The following CSMD3 variants were observed in gnomAD, a reference collection of about 807,000 sequenced individuals.
CSMD3 encodes the protein CUB and sushi domain-containing protein 3.
In CSMD3, 177 loss-of-function variants were observed where a neutral mutation model predicts 435.2. The observed-to-expected ratio is 0.41, with a 90% CI of 0.36 to 0.46. The LOEUF is 0.46. Among genes scored for constraint, CSMD3 ranks in the 20% least tolerant of loss-of-function variants. The pLI, the probability that CSMD3 is intolerant of heterozygous loss-of-function variation, is 0.34. For missense variants in CSMD3, 4,265 were observed against 4,504.6 expected (o/e 0.95, Z 1.52); for synonymous variants, 1,656 against 1,520.5 (o/e 1.09, Z -2.07).
At chr8:112,397,100 T>C (rs1054546017) in intron 35 of CSMD3, among the ~76,000 whole-genome samples, 5 of 152,228 alleles carry the variant, frequency 3.3e-5, no homozygotes, top group Non-Finnish European at 5.9e-5. Flanking sequence ...GCTTTTTCTA[T>C]CTTAAAAATA....
intron 1 of CSMD3, among the ~76,000 whole-genome samples, chr8:113,367,034 A>C (rs1231073189): frequency 6.6e-6 from 1 of 151,920 alleles, no homozygotes; most frequent in African/African-American, 2.4e-5. Context: ...TTTAAGGTTG[A>C]GAGCAAATAT....
At chr8:112,468,043 A>G (rs964422913) in intron 32 of CSMD3, among the ~76,000 whole-genome samples, 4 of 152,210 alleles carry the variant, frequency 2.6e-5, no homozygotes, top group African/African-American at 4.8e-5. Flanking sequence ...TAAGAAGAGG[A>G]TGACTGAAGA....
intron 45 of CSMD3, among the ~76,000 whole-genome samples, chr8:112,320,531 G>A (rs1043104601): frequency 4.0e-5 from 6 of 149,486 alleles, no homozygotes; most frequent in Admixed American, 3.3e-4. Flanking sequence ...GGGTACATGT[G>A]CACAACGTGC....
At chr8:112,298,302 A>G (rs909646716) in intron 53 of CSMD3, among the ~76,000 whole-genome samples, 1 of 152,098 alleles carries the variant, frequency 6.6e-6, no homozygotes, top group Admixed American at 6.6e-5. Context: ...GAGGATTTAC[A>G]TACATGATTT....
intron 35 of CSMD3, among the ~76,000 whole-genome samples, chr8:112,404,901 G>A (rs1831639338): frequency 6.6e-6 from 1 of 151,184 alleles, no homozygotes; most frequent in African/African-American, 2.4e-5. Flanking sequence ...TTTTCAGCTG[G>A]GTGCGGTAGA....
rs1815338686 is a variant in CSMD3 at position 112,444,076 on chromosome 8, A to AT, written c.5395+28514dup. 1.3e-5 allele frequency among the ~76,000 whole-genome samples: 2 copies of AT among 152,302 alleles called. 1 individual carries two copies. Among genetic ancestry groups the AT allele is most frequent in the South Asian group, 4.1e-4 (2 of 4,832 alleles). ...TTTTTGAATGCATAAGTTCCACATT[A>AT]TTTTTTGGATTCACTCAATTGAATT... On this transcript the variant is annotated intron_variant, in intron 32 of 70. Transcript: ENST00000297405.
chr8:112,665,634 A>G (rs2075502931), intron 17 of CSMD3, among the ~76,000 whole-genome samples: 1 of 152,168 alleles, frequency 6.6e-6, no homozygotes, highest in African/African-American at 2.4e-5. Context: ...AGAGAAGTCA[A>G]TGATATAACT....
intron 35 of CSMD3, among the ~76,000 whole-genome samples, chr8:112,402,252 G>A (rs1276412758): frequency 3.9e-5 from 6 of 152,166 alleles, no homozygotes; most frequent in South Asian, 2.1e-4. Flanking sequence ...CGGACAAAGC[G>A]AAGACATTCA....
At chr8:113,292,695 T>A (rs1190910482) in intron 2 of CSMD3, among the ~76,000 whole-genome samples, 1 of 151,854 alleles carries the variant, frequency 6.6e-6, no homozygotes, top group Non-Finnish European at 1.5e-5. Flanking sequence ...TTAAACATAG[T>A]AGTTATATTA....
intron 24 of CSMD3, among the ~76,000 whole-genome samples, 183 bp from the exon 25 acceptor site, chr8:112,557,137 T>A (rs1304072166): frequency 6.6e-6 from 1 of 151,906 alleles, no homozygotes; most frequent in Non-Finnish European, 1.5e-5. Flanking sequence ...TCTTGAAAAT[T>A]AAAATGTGTT....
chr8:113,035,821 T>C lies in CSMD3; in HGVS notation c.918-16642A>G, dbSNP rs576566548. On this transcript the variant is annotated intron_variant, in intron 5 of 70. Coordinates refer to ENST00000297405, the MANE Select transcript of CSMD3 (RefSeq NM_198123.2). ...CTGGAAAAGATCATCTTCCCTATGG[T>C]TAGAGGAAATAAACCTCAACTATTA... Among the ~76,000 whole-genome samples, 3 of 152,062 alleles carry C rather than the reference T, an allele frequency of 2.0e-5. No individual in the cohort carries two copies. The East Asian group carries it at 5.8e-4, about 29-fold the overall frequency.
intron 10 of CSMD3, among the ~76,000 whole-genome samples, chr8:112,915,917 C>T (rs565410856): frequency 3.3e-5 from 5 of 151,838 alleles, no homozygotes; most frequent in African/African-American, 1.2e-4. Context: ...TAAAAATATC[C>T]TTAACAAGTT....
At chr8:113,291,583 T>G (rs1156480057) in intron 2 of CSMD3, among the ~76,000 whole-genome samples, 1 of 151,822 alleles carries the variant, frequency 6.6e-6, no homozygotes, top group Non-Finnish European at 1.5e-5. Context: ...TGGGATTCCT[T>G]TGAGAGCATC....
chr8:112,813,679 A>G (rs983504554), intron 12 of CSMD3, among the ~76,000 whole-genome samples: 4 of 152,152 alleles, frequency 2.6e-5, no homozygotes, highest in African/African-American at 7.2e-5. Context: ...TTTATCTTCA[A>G]TAGTGTTCAT....
At chr8:112,967,001 T>A (rs887760506) in intron 7 of CSMD3, among the ~76,000 whole-genome samples, 3 of 151,944 alleles carry the variant, frequency 2.0e-5, no homozygotes, top group Admixed American at 6.6e-5. Flanking sequence ...ATGATGATCA[T>A]CTTCATCTAA....
intron 2 of CSMD3, among the ~76,000 whole-genome samples, chr8:113,298,342 C>G (rs2093737882): frequency 6.6e-6 from 1 of 151,918 alleles, no homozygotes; most frequent in South Asian, 2.1e-4. Context: ...AATAACAAGA[C>G]ATTGATATGA....
chr8:112,951,772 A>G (rs934664420), intron 8 of CSMD3, among the ~76,000 whole-genome samples: 1 of 151,744 alleles, frequency 6.6e-6, no homozygotes, highest in Non-Finnish European at 1.5e-5. Context: ...AAAAGTATGG[A>G]TTTGAAGAAT....
rs1365362969 is a variant in CSMD3, at chr8:113,177,719, A to G, written c.515-3803T>C. Among the ~76,000 whole-genome samples the G allele has an allele frequency of 3.3e-5, 5 of 152,074 alleles. No individual in the cohort carries two copies. The East Asian group carries it at 7.8e-4, about 24-fold the overall frequency. On this transcript the variant is annotated intron_variant, in intron 3 of 70. Transcript: ENST00000297405. ...AAAATGTCAGAGACTCTTTATGTTAAGTTTACTGCTCTAGGCATAACAAAT... is the reference window on the plus strand; with the variant it reads ...AAAATGTCAGAGACTCTTTATGTTAGGTTTACTGCTCTAGGCATAACAAAT...
chr8:113,404,394 G>A lies in CSMD3; in HGVS notation c.178+32283C>T, dbSNP rs921703335. 4.6e-5 allele frequency among the ~76,000 whole-genome samples: 7 copies of A among 151,390 alleles called. No individual in the cohort carries two copies. The East Asian group carries it at 1.4e-3, about 29-fold the overall frequency. ...TAAACATACAATGAATAAATGGTAGGAATTTTATCCAGTTACAAGAGAATT... is the reference window on the plus strand; with the variant it reads ...TAAACATACAATGAATAAATGGTAGAAATTTTATCCAGTTACAAGAGAATT... On this transcript the variant is annotated intron_variant, in intron 1 of 70. Transcript: ENST00000297405.
Sources: gnomAD v4.1 joint callset for allele counts (sites outside exome capture counted in the v4.1 genomes callset) on GRCh38, gnomAD v4.1.1 for gene constraint, MANE v1.5 for transcripts, NCBI Gene and HGNC (gene_info 2026-07-23, HGNC 2026-07-21) for gene names.